Variants in ZNF605 observed in about 807,000 individuals in gnomAD.
ZNF605 encodes the protein zinc finger protein 605.
A neutral mutation model predicts 7.9 loss-of-function variants in ZNF605; 9 were observed. That is an observed-to-expected ratio of 1.14 (90% CI 0.68 to 1.98). The LOEUF (loss-of-function observed/expected upper bound fraction) is 1.98. ZNF605 is among the 30% of genes most tolerant of loss of function. The pLI, the probability that ZNF605 is intolerant of heterozygous loss-of-function variation, is 0.00. For synonymous variants in ZNF605, 255 were observed against 260.1 expected (o/e 0.98, Z 0.19); for missense variants, 673 against 762.4 (o/e 0.88, Z 1.38).
rs1952179226 is a variant in ZNF605 at position 132,918,848 on chromosome 12, A to T, written c.*6525T>A. ...TGATCCACCCACCTTGGCCTCCCAA[A>T]GTGCTGGGATGACAGGCGTGAGCCA... On this transcript the variant is annotated 3_prime_UTR_variant, in exon 5 of 5. Coordinates refer to ENST00000360187, the MANE Select transcript of ZNF605 (RefSeq NM_183238.4). The T allele has an allele frequency of 6.6e-6, 1 of 152,446 alleles. No individual in the cohort carries two copies. Among genetic ancestry groups the T allele is most frequent in the African/African-American group, 2.4e-5 (1 of 41,460 alleles). 9.4% of individuals were successfully genotyped at this position (152,446 alleles called of 1,614,324 possible). A position where few individuals can be genotyped will look rare whatever the true frequency, so the allele number is the denominator to read the frequency against.
At chr12:132,930,108 G>C (rs1260305649) in intron 4 of ZNF605, among the ~76,000 whole-genome samples, 1 of 152,190 alleles carries the variant, frequency 6.6e-6, no homozygotes, top group Non-Finnish European at 1.5e-5. Flanking sequence ...ATACCTCACT[G>C]CAGCTGCAAA....
Position 132,926,369 on chromosome 12 carries a change from T to G in ZNF605, c.930A>C (p.Pro310=). The G allele has an allele frequency of 1.9e-6, 3 of 1,614,218 alleles. No individual in the cohort carries two copies. Among genetic ancestry groups the G allele is most frequent in the Non-Finnish European group, 2.5e-6 (3 of 1,180,044 alleles). The change falls in exon 5 of 5, where the codon CCA becomes CCC. Residue 310 remains proline, a synonymous_variant. Transcript: ENST00000360187. ...QRAHTGEKPY[P]CSHCGKAFFW... is the part of the protein sequence containing the mutation. ...AGAAGGCTTTTCCACAGTGACTACA[T>G]GGATAGGGTTTCTCTCCTGTGTGCG... is the stretch of plus-strand genomic sequence containing the variant.
chr12:132,931,347 G>A (rs1952307372), intron 4 of ZNF605, among the ~76,000 whole-genome samples: 1 of 152,042 alleles, frequency 6.6e-6, no homozygotes, highest in African/African-American at 2.4e-5. Flanking sequence ...CACAGACTAC[G>A]TTACTGGCAA....
intron 3 of ZNF605, among the ~76,000 whole-genome samples, chr12:132,934,358 G>A (rs1228839655): frequency 6.6e-6 from 1 of 152,086 alleles, no homozygotes; most frequent in Non-Finnish European, 1.5e-5. Context: ...TCCCAAGTAA[G>A]AACTGGCCAG....
intron 4 of ZNF605, among the ~76,000 whole-genome samples, chr12:132,928,655 A>G (rs1952272125): frequency 6.6e-6 from 1 of 152,142 alleles, no homozygotes; most frequent in Non-Finnish European, 1.5e-5. Flanking sequence ...TTTACTAGCA[A>G]TTGTGGGGTA....
intron 3 of ZNF605, among the ~76,000 whole-genome samples, chr12:132,935,448 G>A (rs1952354287): frequency 2.0e-5 from 3 of 152,150 alleles, no homozygotes; most frequent in Admixed American, 1.3e-4. Flanking sequence ...AGCACAGAGA[G>A]TTCTAAAGTG....
intron 3 of ZNF605, among the ~76,000 whole-genome samples, chr12:132,938,697 T>C (rs1235941093): frequency 2.6e-5 from 4 of 152,168 alleles, no homozygotes; most frequent in Non-Finnish European, 5.9e-5. Flanking sequence ...TGGGAGCCCC[T>C]TTCTGGGCTG....
intron 4 of ZNF605, among the ~76,000 whole-genome samples, chr12:132,932,284 C>A (rs1003038724): frequency 2.0e-5 from 3 of 152,062 alleles, no homozygotes; most frequent in Admixed American, 6.6e-5. Context: ...GTGGGTTCAT[C>A]TTCTACTCTC....
chr12:132,949,233 CT>C (rs1952532168), intron 1 of ZNF605, among the ~76,000 whole-genome samples: 1 of 152,204 alleles, frequency 6.6e-6, no homozygotes, highest in African/African-American at 2.4e-5. Flanking sequence ...CAGGCTCCTA[CT>C]TAAGCCCACT....
In ZNF605 at chr12:132,936,418, C is replaced by T. The variant is rs1032526453; in HGVS notation, c.16-3263G>A. On this transcript the variant is annotated intron_variant, in intron 3 of 4. Transcript: ENST00000360187. ...AGCAACCCCAGCTACATGCTGCCTACGAAAGAGGCACATTTATATTCAAAA... is the reference window on the plus strand; with the variant it reads ...AGCAACCCCAGCTACATGCTGCCTATGAAAGAGGCACATTTATATTCAAAA... Among the ~76,000 whole-genome samples the T allele has an allele frequency of 8.5e-5, 13 of 152,080 alleles. No homozygotes were observed. In the East Asian group the frequency reaches 2.3e-3, roughly 27 times the overall value.
In ZNF605 at chr12:132,941,682, G is replaced by T. The variant is rs1469745724; in HGVS notation, c.15+3939C>A. Among the ~76,000 whole-genome samples the T allele has an allele frequency of 1.3e-5, 2 of 152,252 alleles. No individual in the cohort carries two copies. Among genetic ancestry groups the T allele is most frequent in the Non-Finnish European group, 2.9e-5 (2 of 68,048 alleles). Reference sequence around the variant, plus strand: ...CCTGGACTACGCAGCTCAGGCAAGCGACCTCAGGCCTCACGCAGCCGTTCC... The same window carrying T: ...CCTGGACTACGCAGCTCAGGCAAGCTACCTCAGGCCTCACGCAGCCGTTCC... On this transcript the variant is annotated intron_variant, in intron 3 of 4. Coordinates refer to ENST00000360187, the MANE Select transcript of ZNF605 (RefSeq NM_183238.4). This position sits in a 1 kb window ranked among gnomAD's most constrained non-coding sequence, Gnocchi z 5.1.
chr12:132,931,010 G>A (rs1444343649), intron 4 of ZNF605, among the ~76,000 whole-genome samples: 1 of 152,118 alleles, frequency 6.6e-6, no homozygotes, highest in African/African-American at 2.4e-5. Context: ...GTGAGATCCT[G>A]TCTCTCCAGA....
At chr12:132,930,436 G>C (rs1441066507) in intron 4 of ZNF605, among the ~76,000 whole-genome samples, 1 of 152,160 alleles carries the variant, frequency 6.6e-6, no homozygotes, top group East Asian at 1.9e-4. Flanking sequence ...GTCTCTCCCA[G>C]TAGAATGTAA....
At position 132,933,949 on chromosome 12, in the gene ZNF605, A is replaced by G. The variant is rs1452391078; in HGVS notation, c.16-794T>C. Among the ~76,000 whole-genome samples the G allele has an allele frequency of 6.6e-6, 1 of 152,224 alleles. No individual in the cohort carries two copies. Among genetic ancestry groups the G allele is most frequent in the African/African-American group, 2.4e-5 (1 of 41,468 alleles). On this transcript the variant is annotated intron_variant, in intron 3 of 4. Coordinates refer to ENST00000360187, the MANE Select transcript of ZNF605 (RefSeq NM_183238.4). The surrounding 1 kb of genome is among the most constrained non-coding windows in gnomAD (Gnocchi z 4.4). ...TCAGCATGCCTGGCCTCTGTCTGCTAATGACAGTAATATCTCTCAGTCACT... is the reference window on the plus strand; with the variant it reads ...TCAGCATGCCTGGCCTCTGTCTGCTGATGACAGTAATATCTCTCAGTCACT...
chr12:132,925,946 G>A lies in ZNF605; in HGVS notation c.1353C>T (p.Cys451=), dbSNP rs1244257496. The change falls in exon 5 of 5, where the codon TGC becomes TGT. Residue 451 remains cysteine, a synonymous_variant. Coordinates refer to ENST00000360187, the MANE Select transcript of ZNF605 (RefSeq NM_183238.4). Reference sequence around the variant, plus strand: ...GGGTGAAGGCCTTCCCACACTCACTGCATTCATAAGGCTTCTCCCCAGTGT... The same window carrying A: ...GGGTGAAGGCCTTCCCACACTCACTACATTCATAAGGCTTCTCCCCAGTGT... The part of the protein sequence containing the change: ...RTHTGEKPYE[C]SECGKAFTQK... The A allele has an allele frequency of 3.1e-6, 5 of 1,614,086 alleles. No individual in the cohort carries two copies. The African/African-American group carries it at 4.0e-5, about 13-fold the overall frequency.
At position 132,926,216 on chromosome 12, in the gene ZNF605, T is replaced by C; in HGVS notation, c.1083A>G (p.Gly361=). Reference sequence around the variant, plus strand: ...ATTCGTTGCATTCGTAGGGCTTCTCTCCTGTATGAATCCTCTGATGCCTAA... The same window carrying C: ...ATTCGTTGCATTCGTAGGGCTTCTCCCCTGTATGAATCCTCTGATGCCTAA... ...LLIRHQRIHT[G]EKPYECNECG... The change falls in exon 5 of 5, where the codon GGA becomes GGG. Residue 361 remains glycine (G), a synonymous_variant. Transcript: ENST00000360187. 6.2e-7 allele frequency: 1 copy of C among 1,614,182 alleles called. No homozygotes were observed. The highest frequency in any genetic ancestry group is 8.5e-7 in the Non-Finnish European group (1 of 1,180,038).
At chr12:132,943,320 C>G (rs1012103095) in intron 3 of ZNF605, among the ~76,000 whole-genome samples, 2 of 150,684 alleles carry the variant, frequency 1.3e-5, no homozygotes, top group Non-Finnish European at 2.9e-5. Flanking sequence ...GATTGTGCCA[C>G]TGCACTCCAG....
At chr12:132,951,880 T>C (rs1459639324) in intron 1 of ZNF605, among the ~76,000 whole-genome samples, 2 of 145,790 alleles carry the variant, frequency 1.4e-5, no homozygotes, top group African/African-American at 5.5e-5. Flanking sequence ...CATACACACA[T>C]ACACACTCAT....
intron 3 of ZNF605, among the ~76,000 whole-genome samples, chr12:132,939,643 C>A (rs1952411658): frequency 6.6e-6 from 1 of 152,210 alleles, no homozygotes. Flanking sequence ...CTCTACCAAT[C>A]AGCAGGATGT....
Sources: gnomAD v4.1 joint callset for allele counts (sites outside exome capture counted in the v4.1 genomes callset) on GRCh38, gnomAD v4.1.1 for gene constraint, Gnocchi (gnomAD v3.1) non-coding constraint, MANE v1.5 for transcripts, NCBI Gene and HGNC (gene_info 2026-07-23, HGNC 2026-07-21) for gene names.